The following TYK2 variants were observed in gnomAD, a reference collection of about 807,000 sequenced individuals.
TYK2 encodes the protein non-receptor tyrosine-protein kinase TYK2.
Under a neutral mutation model 130.9 loss-of-function variants are expected in TYK2, and 65 were observed. The observed-to-expected ratio is 0.50, with a 90% confidence interval of 0.41 to 0.61. TYK2 has a LOEUF of 0.61. TYK2 is among the 20% of genes least tolerant of loss of function. The probability of loss-of-function intolerance (pLI) is 0.00; values close to 1 mark genes in which losing one functional copy is unlikely to be tolerated. For synonymous variants in TYK2, 647 were observed against 658.9 expected (o/e 0.98, Z 0.28); for missense variants, 1,378 against 1,610.7 (o/e 0.86, Z 2.47).
chr19:10,367,736 CTG>C (rs1265096435), intron 5 of TYK2, among the ~76,000 whole-genome samples: 1 of 151,446 alleles, frequency 6.6e-6, no homozygotes, highest in Non-Finnish European at 1.5e-5. Context: ...CTAGCTAACA[CTG>C]TGAAACCCCG....
At position 10,361,934 on chromosome 19, in the gene TYK2, T is replaced by G; in HGVS notation, c.1795A>C (p.Thr599Pro). ...CGGCCCTCATACACGTTGGTCCTTG[T>G]GCCCTGGCCCAAGTGGGACAGCTGC... ...ITQLSHLGQG[T>P]RTNVYEGRLR... The change falls in exon 13 of 25, where the codon ACA becomes CCA. Residue 599 changes from threonine to proline, a missense_variant. By Grantham distance (38) the Thr-to-Pro change is conservative. Coordinates refer to ENST00000525621, the MANE Select transcript of TYK2 (RefSeq NM_003331.5). This position sits in a 1 kb window ranked among gnomAD's most constrained non-coding sequence, Gnocchi z 4.0. 1 of 1,614,098 alleles carries G rather than the reference T, an allele frequency of 6.2e-7. No individual in the cohort carries two copies. The highest frequency in any genetic ancestry group is 8.5e-7 in the Non-Finnish European group (1 of 1,180,000).
At chr19:10,377,861 G>GATGA in intron 3 of TYK2, among the ~76,000 whole-genome samples, 1 of 66,232 alleles carries the variant, frequency 1.5e-5, no homozygotes. Flanking sequence ...TGGGTGGGTG[G>GATGA]GTGGGTGGAT....
intron 3 of TYK2, among the ~76,000 whole-genome samples, chr19:10,374,584 CAAAAA>C (rs1278364077): frequency 2.0e-5 from 1 of 50,128 alleles, no homozygotes; most frequent in African/African-American, 7.6e-5. Flanking sequence ...GACTCCGTCT[CAAAAA>C]AAAAAAAAAA....
At chr19:10,354,671 G>T in intron 18 of TYK2, 62 bp from the exon 19 acceptor site, 1 of 1,433,042 alleles carries the variant, frequency 7.0e-7, no homozygotes, top group South Asian at 1.1e-5. Context: ...GCCCACACTT[G>T]GGAGTCACAA....
chr19:10,362,036 CA>C, intron 12 of TYK2, 41 bp downstream of exon 12: 1 of 1,612,778 alleles, frequency 6.2e-7, no homozygotes, highest in African/African-American at 1.3e-5. Context: ...CCCACATCCC[CA>C]GGGGCCCTGC....
chr19:10,372,608 G>T (rs969041440), intron 3 of TYK2, among the ~76,000 whole-genome samples: 1 of 147,054 alleles, frequency 6.8e-6, no homozygotes, highest in Non-Finnish European at 1.5e-5. Flanking sequence ...TCAGCCTCCT[G>T]AGTAGCTGGG....
Position 10,354,194 on chromosome 19 carries a change from G to T in TYK2, c.2756C>A (p.Thr919Asn). Residue 919 changes from threonine (T) to asparagine (N), a missense_variant, in exon 20 of 25, where the codon ACC becomes AAC. Transcript: ENST00000525621. ...GKVSLYCYDPTNDGTGEMVAV... is the reference protein window; with the variant it reads ...GKVSLYCYDPNNDGTGEMVAV... ...CACCATCTCGCCAGTGCCGTCGTTG[G>T]TCGGATCGTAGCAGTACAAGCTGAC... 6.2e-7 allele frequency: 1 copy of T among 1,613,632 alleles called. No individual in the cohort carries two copies. The highest frequency in any genetic ancestry group is 8.5e-7 in the Non-Finnish European group (1 of 1,180,030).
chr19:10,365,650 A>C lies in TYK2; in HGVS notation c.878T>G (p.Ile293Ser). 6.2e-7 allele frequency: 1 copy of C among 1,613,626 alleles called. No individual in the cohort carries two copies. The change falls in exon 7 of 25, where the codon ATC becomes AGC. Residue 293 changes from isoleucine (I) to serine (S), a missense_variant. By Grantham distance (142) the Ile-to-Ser change is moderately radical (BLOSUM62 -2). Transcript: ENST00000525621. ...TGTAGGGGCCACCCCACTGTCCCGG[A>C]TGTAGCAGGGCTCCCCCTCGGCCTG... ...LAQAEGEPCY[I>S]RDSGVAPTDP...
chr19:10,351,831 C>A (rs1322580066), intron 23 of TYK2, among the ~76,000 whole-genome samples: 1 of 151,960 alleles, frequency 6.6e-6, no homozygotes, highest in African/African-American at 2.4e-5. Context: ...CTTCGCCTAC[C>A]GGGTTCAAGC....
At chr19:10,352,803 C>G in intron 22 of TYK2, 123 bp downstream of exon 22, 2 of 1,315,576 alleles carry the variant, frequency 1.5e-6, no homozygotes, top group Non-Finnish European at 2.1e-6. Context: ...CACCCCCGCA[C>G]CGCTAGGCCC....
Position 10,353,849 on chromosome 19 carries a change from C to CT in TYK2, c.2908+192_2908+193insA. On this transcript the variant is annotated intron_variant, in intron 20 of 24. Coordinates refer to ENST00000525621, the MANE Select transcript of TYK2 (RefSeq NM_003331.5). This position sits in a 1 kb window ranked among gnomAD's most constrained non-coding sequence, Gnocchi z 6.9. Reference sequence around the variant, plus strand: ...TGCTGGTGGCTCCCGTCCATCCTGGCCCCAGCAGGTAGCACCCCCCAGATG... The same window carrying CT: ...TGCTGGTGGCTCCCGTCCATCCTGGCTCCCAGCAGGTAGCACCCCCCAGATG... 9 of 724,522 alleles carry CT rather than the reference C, an allele frequency of 1.2e-5. No individual in the cohort carries two copies. Among genetic ancestry groups the CT allele is most frequent in the Non-Finnish European group, 2.1e-5 (9 of 435,990 alleles). The allele number at this position is 724,522 out of a possible 1,614,324, so 44.9% of individuals were successfully genotyped here. A position where few individuals can be genotyped will look rare whatever the true frequency, so the allele number is the denominator to read the frequency against.
At chr19:10,363,181 A>ATC (rs1284836373) in intron 9 of TYK2, among the ~76,000 whole-genome samples, 2 of 139,630 alleles carry the variant, frequency 1.4e-5, no homozygotes, top group African/African-American at 2.7e-5. Flanking sequence ...CGGCTACCTG[A>ATC]TCTCTCTTTT....
At position 10,362,467 on chromosome 19, in the gene TYK2, G is replaced by A. The variant is rs1400581800; in HGVS notation, c.1477-11C>T. 1 of 1,586,044 alleles carries A rather than the reference G, an allele frequency of 6.3e-7. No individual in the cohort carries two copies. The highest frequency in any genetic ancestry group is 2.3e-5 in the East Asian group (1 of 43,554). On this transcript the variant is annotated splice_polypyrimidine_tract_variant and intron_variant, in intron 10 of 24. Transcript: ENST00000525621. Reference sequence around the variant, plus strand: ...CATGCCGTCTGGTGCCTGGCAGGAGGTGGCAGAGGTGGGAGCAGTAAGCAG... The same window carrying A: ...CATGCCGTCTGGTGCCTGGCAGGAGATGGCAGAGGTGGGAGCAGTAAGCAG...
intron 2 of TYK2, among the ~76,000 whole-genome samples, chr19:10,379,141 G>A (rs1245055814): frequency 6.6e-6 from 1 of 151,794 alleles, no homozygotes; most frequent in African/African-American, 2.4e-5. Flanking sequence ...TTACAGGCGT[G>A]AGCCACTGTG....
chr19:10,358,610 C>T (rs772222553), intron 15 of TYK2, among the ~76,000 whole-genome samples: 2 of 152,068 alleles, frequency 1.3e-5, no homozygotes, highest in South Asian at 2.1e-4. Context: ...CAAGTTACCA[C>T]ATTGGCTAAT....
Position 10,361,450 on chromosome 19 carries a change from G to C in TYK2, c.2047+61C>G. The C allele has an allele frequency of 7.5e-7, 1 of 1,341,232 alleles. No homozygotes were observed. Among genetic ancestry groups the C allele is most frequent in the South Asian group, 1.6e-5 (1 of 63,138 alleles). 83.1% of individuals were successfully genotyped at this position (1,341,232 alleles called of 1,614,324 possible). A position where few individuals can be genotyped will look rare whatever the true frequency, so the allele number is the denominator to read the frequency against. On this transcript the variant is annotated intron_variant, in intron 14 of 24. Transcript: ENST00000525621. The surrounding 1 kb of genome is among the most constrained non-coding windows in gnomAD (Gnocchi z 4.0). ...GTCGAGGGTTGGGGTACAGATCAGGGAGTGGGTATAAGTCAGGGGTGGCCT... is the reference window on the plus strand; with the variant it reads ...GTCGAGGGTTGGGGTACAGATCAGGCAGTGGGTATAAGTCAGGGGTGGCCT...
In TYK2 at chr19:10,357,791, G is replaced by A; in HGVS notation, c.2439C>T (p.Ala813=). ...CGGAGGGACTGCGGCTCTGCAGAGGGGCCTCTCCGTCAAAGCAGATCTCCA... is the reference window on the plus strand; with the variant it reads ...CGGAGGGACTGCGGCTCTGCAGAGGAGCCTCTCCGTCAAAGCAGATCTCCA... The part of the protein sequence containing the change: ...TLLEICFDGE[A]PLQSRSPSEK... The change falls in exon 17 of 25, where the codon GCC becomes GCT. Residue 813 remains alanine, a synonymous_variant. Transcript: ENST00000525621. 6.2e-7 allele frequency: 1 copy of A among 1,612,878 alleles called. No individual in the cohort carries two copies. The highest frequency in any genetic ancestry group is 8.5e-7 in the Non-Finnish European group (1 of 1,179,668).
chr19:10,354,088 G>C lies in TYK2; in HGVS notation c.2862C>G (p.Leu954=). The part of the protein sequence containing the change: ...WKQEIDILRT[L]YHEHIIKYKG... ...TGTACTTGATGATGTGCTCGTGGTA[G>C]AGCGTGCGCAGAATGTCAATCTCCT... Residue 954 remains leucine (L), a synonymous_variant, in exon 20 of 25, where the codon CTC becomes CTG. Transcript: ENST00000525621. The C allele has an allele frequency of 6.2e-7, 1 of 1,614,132 alleles. No individual in the cohort carries two copies. The highest frequency in any genetic ancestry group is 8.5e-7 in the Non-Finnish European group (1 of 1,180,036).
rs1284568650 is a variant in TYK2, at chr19:10,352,597, C to A, written c.3201-46G>T. On this transcript the variant is annotated intron_variant, in intron 22 of 24. Transcript: ENST00000525621. ...AGGCCACGGGGGGCTGCACTGAGGG[C>A]TTGGGGATCAGACCAGGCTGAAGCC... is the stretch of plus-strand genomic sequence containing the variant. 7 of 960,450 alleles carry A rather than the reference C, an allele frequency of 7.3e-6. No homozygotes were observed. In the East Asian group the frequency reaches 1.5e-4, roughly 20 times the overall value. 59.5% of individuals were successfully genotyped at this position (960,450 alleles called of 1,614,324 possible). A position where few individuals can be genotyped will look rare whatever the true frequency, so the allele number is the denominator to read the frequency against.
Sources: gnomAD v4.1 joint callset for allele counts (sites outside exome capture counted in the v4.1 genomes callset) on GRCh38, gnomAD v4.1.1 for gene constraint, Gnocchi (gnomAD v3.1) non-coding constraint, MANE v1.5 for transcripts, NCBI Gene and HGNC (gene_info 2026-07-23, HGNC 2026-07-21) for gene names.